The following PYY variants were observed in gnomAD, a reference collection of about 807,000 sequenced individuals.
PYY encodes peptide YY.
PYY carries 12 observed loss-of-function variants against 10.3 expected under a neutral mutation model. The observed-to-expected ratio is 1.17, with a 90% CI of 0.75 to 1.89. The LOEUF is 1.89. Ranked by LOEUF, PYY falls within the 40% of genes most tolerant of loss-of-function variation. The pLI is 0.00. For synonymous variants in PYY, 66 were observed against 62.0 expected, an observed-to-expected ratio of 1.06 and a Z score of -0.30; for missense variants, 141 against 134.0, an observed-to-expected ratio of 1.05 and a Z score of -0.26.
chr17:43,981,661 T>C (rs2048884470), intron 1 of PYY, among the ~76,000 whole-genome samples: 1 of 152,164 alleles, frequency 6.6e-6, no homozygotes, highest in Admixed American at 6.5e-5. Flanking sequence ...AGCTAATTTT[T>C]GTATTTTTAG....
chr17:43,993,989 G>C (rs1015762874), intron 1 of PYY, among the ~76,000 whole-genome samples: 32 of 151,998 alleles, frequency 2.1e-4, no homozygotes, highest in Non-Finnish European at 4.4e-4. Context: ...CAGTAGCTGG[G>C]ACTACAGGCA....
At chr17:43,968,462 GA>G (rs956957506) in intron 1 of PYY, among the ~76,000 whole-genome samples, 1 of 151,084 alleles carries the variant, frequency 6.6e-6, no homozygotes, top group African/African-American at 2.4e-5. Flanking sequence ...GATATTGTAA[GA>G]AAAAAAAACT....
At chr17:43,960,551 A>AAC (rs1448723259) in intron 2 of PYY, among the ~76,000 whole-genome samples, 5 of 149,292 alleles carry the variant, frequency 3.3e-5, no homozygotes, top group African/African-American at 1.2e-4. Context: ...AAAAAAAAAA[A>AAC]AAAACAATAT....
At chr17:43,970,296 C>T (rs1185813973) in intron 1 of PYY, among the ~76,000 whole-genome samples, 2 of 150,062 alleles carry the variant, frequency 1.3e-5, no homozygotes, top group Non-Finnish European at 1.5e-5. Flanking sequence ...TCATTTGAGG[C>T]CAGGAGTTCA....
At chr17:43,957,950 C>T (rs78396339), upstream of PYY, 1,508 of 154,658 alleles carry the variant, frequency 9.8e-3, 25 homozygotes, top group African/African-American at 0.035. Flanking sequence ...GAAGCTTCTG[C>T]AAAACACAGT....
At chr17:43,981,021 C>CT (rs1055327592) in intron 1 of PYY, among the ~76,000 whole-genome samples, 21 of 147,306 alleles carry the variant, frequency 1.4e-4, no homozygotes, top group African/African-American at 2.0e-4. Flanking sequence ...GACAGCAGAA[C>CT]TTTTTTTTTT....
chr17:43,982,505 AAC>A (rs1348280329), intron 1 of PYY, among the ~76,000 whole-genome samples: 3 of 152,346 alleles, frequency 2.0e-5, no homozygotes, highest in Admixed American at 1.3e-4. Context: ...GCACAAACTG[AAC>A]ACTTGTACTT....
At chr17:43,958,580 A>C (rs4040652), upstream of PYY, among the ~76,000 whole-genome samples, 1 of 152,172 alleles carries the variant, frequency 6.6e-6, no homozygotes, top group Non-Finnish European at 1.5e-5. Flanking sequence ...GGGTTTCACC[A>C]TGTTGGCCAG....
chr17:43,969,740 C>T (rs2048777217), intron 1 of PYY, among the ~76,000 whole-genome samples: 1 of 88,608 alleles, frequency 1.1e-5, no homozygotes, highest in South Asian at 6.2e-4. Flanking sequence ...CCTGTCTCTA[C>T]AAAAAAAACT....
At chr17:43,979,185 C>A (rs1055931546) in intron 1 of PYY, among the ~76,000 whole-genome samples, 12 of 152,216 alleles carry the variant, frequency 7.9e-5, no homozygotes, top group Non-Finnish European at 1.5e-4. Context: ...GCAGCAGCAG[C>A]AGCATCACTT....
chr17:43,990,940 G>T (rs1023158309), intron 1 of PYY, among the ~76,000 whole-genome samples: 16 of 151,424 alleles, frequency 1.1e-4, no homozygotes, highest in Non-Finnish European at 1.6e-4. Flanking sequence ...GACTACAGGC[G>T]CCCGCCACCA....
chr17:43,979,150 T>C (rs1379325410), intron 1 of PYY, among the ~76,000 whole-genome samples: 1 of 152,194 alleles, frequency 6.6e-6, no homozygotes, highest in East Asian at 1.9e-4. Context: ...GCAGTTGTTC[T>C]CAAAGGGTGA....
intron 1 of PYY, among the ~76,000 whole-genome samples, chr17:43,994,324 C>T (rs1323619474): frequency 6.6e-6 from 1 of 152,098 alleles, no homozygotes; most frequent in Non-Finnish European, 1.5e-5. Context: ...AGCGGCTCCC[C>T]AGGTCTCCTT....
At chr17:43,981,743 C>T (rs2048885220) in intron 1 of PYY, among the ~76,000 whole-genome samples, 3 of 152,270 alleles carry the variant, frequency 2.0e-5, no homozygotes, top group African/African-American at 7.2e-5. Context: ...CCACCTCGGC[C>T]TCCGAAAGTG....
chr17:43,970,145 G>A (rs1316718118), intron 1 of PYY, among the ~76,000 whole-genome samples: 1 of 147,270 alleles, frequency 6.8e-6, no homozygotes, highest in African/African-American at 2.5e-5. Flanking sequence ...AGGTTACCGT[G>A]AGCCATGATC....
At chr17:43,996,441 G>A (rs1393771070) in intron 1 of PYY, among the ~76,000 whole-genome samples, 1 of 152,058 alleles carries the variant, frequency 6.6e-6, no homozygotes, top group Non-Finnish European at 1.5e-5. Context: ...AAATAAAATG[G>A]TTCTTTCAAG....
chr17:43,967,174 G>A (rs1156605640), intron 1 of PYY, among the ~76,000 whole-genome samples: 5 of 152,020 alleles, frequency 3.3e-5, no homozygotes, highest in Admixed American at 3.3e-4. Context: ...GTGGTGGCAC[G>A]TGCCTATAAT....
chr17:43,964,735 G>A (rs144793547), intron 2 of PYY, among the ~76,000 whole-genome samples: 5 of 152,254 alleles, frequency 3.3e-5, no homozygotes, highest in Non-Finnish European at 7.4e-5. Flanking sequence ...CCCGGGAGGC[G>A]GAGTTTACGG....
intron 1 of PYY, 152 bp from the exon 2 acceptor site, chr17:43,953,635 C>T (rs547866866): frequency 4.5e-5 from 32 of 712,262 alleles, no homozygotes; most frequent in African/African-American, 4.0e-4. Context: ...TGTTCTTGGG[C>T]ACTGCACCGT....
Sources: allele counts gnomAD v4.1 joint callset (sites outside exome capture counted in the v4.1 genomes callset), GRCh38; gene constraint gnomAD v4.1.1; transcripts MANE v1.5; gene names NCBI Gene and HGNC (gene_info 2026-07-23, HGNC 2026-07-21).